FXN: variants seen among roughly 807,000 people sequenced by gnomAD.
FXN encodes the protein frataxin.
A neutral mutation model predicts 22.4 loss-of-function variants in FXN; 14 were observed. That is an observed-to-expected ratio of 0.62 (90% CI 0.41 to 0.98). The LOEUF (loss-of-function observed/expected upper bound fraction) is 0.98. Among genes scored for constraint, FXN ranks in the 50% least tolerant of loss-of-function variants. The probability of loss-of-function intolerance (pLI) is 0.00; values close to 1 mark genes in which losing one functional copy is unlikely to be tolerated. For missense variants in FXN, 267 were observed against 268.4 expected (o/e 0.99, Z 0.04); for synonymous variants, 120 against 114.1 (o/e 1.05, Z -0.33).
rs1360478354 is a variant in FXN at position 69,074,111 on chromosome 9, G to C, written c.*1349G>C. On this transcript the variant is annotated 3_prime_UTR_variant, in exon 5 of 5. Transcript: ENST00000484259. Reference sequence around the variant, plus strand: ...GAAGCGGAAGAATCGCTTGAACCCAGAGGTGGAGGTTGCAGTGAGCCGAGA... The same window carrying C: ...GAAGCGGAAGAATCGCTTGAACCCACAGGTGGAGGTTGCAGTGAGCCGAGA... The C allele has an allele frequency of 2.4e-6, 1 of 417,016 alleles. No individual in the cohort carries two copies. Among genetic ancestry groups the C allele is most frequent in the Non-Finnish European group, 3.2e-6 (1 of 310,992 alleles). The allele number at this position is 417,016 out of a possible 1,614,324, so 25.8% of individuals were successfully genotyped here. A position where few individuals can be genotyped will look rare whatever the true frequency, so the allele number is the denominator to read the frequency against.
chr9:69,064,803 G>T, intron 3 of FXN, 135 bp from the exon 4 acceptor site: 1 of 684,884 alleles, frequency 1.5e-6, no homozygotes, highest in South Asian at 1.6e-5. Flanking sequence ...AATACTAAAA[G>T]ACATTTCTTT....
chr9:69,077,535 C>T lies in FXN; in HGVS notation c.*4773C>T. 6 of 985,442 alleles carry T rather than the reference C, an allele frequency of 6.1e-6. No individual in the cohort carries two copies. The highest frequency in any genetic ancestry group is 7.2e-6 in the Non-Finnish European group (6 of 829,942). 61.0% of individuals were successfully genotyped at this position (985,442 alleles called of 1,614,324 possible). ...CTGTGGAAAGTCAGACCTCTGAGGC[C>T]CCATCCAGGTAGAAGTACTAGTGCA... is the stretch of plus-strand genomic sequence containing the variant. On this transcript the variant is annotated 3_prime_UTR_variant, in exon 5 of 5. Transcript: ENST00000484259.
At chr9:69,046,123 G>A (rs1312511498) in intron 1 of FXN, among the ~76,000 whole-genome samples, 1 of 152,176 alleles carries the variant, frequency 6.6e-6, no homozygotes, top group African/African-American at 2.4e-5. Context: ...AGCTTGCCCT[G>A]AAGGGAATGT....
chr9:69,046,680 G>A (rs1046238475), intron 2 of FXN, among the ~76,000 whole-genome samples, 198 bp downstream of exon 2: 1 of 152,162 alleles, frequency 6.6e-6, no homozygotes, highest in Non-Finnish European at 1.5e-5. Flanking sequence ...ATCCCCTACT[G>A]TTGGACATTC....
chr9:69,071,175 C>T (rs773224517), intron 4 of FXN: 19 of 518,826 alleles, frequency 3.7e-5, no homozygotes, highest in Middle Eastern at 3.2e-4. Context: ...CCTGGCAACC[C>T]GATAGCAGTA....
rs1480088883 is a variant in FXN at position 69,075,303 on chromosome 9, T to G, written c.*2541T>G. ...CAAAATCCCGTCTCTACTAAAAATATTAAAAAATTGGCTGGGCGTGGTGGT... is the reference window on the plus strand; with the variant it reads ...CAAAATCCCGTCTCTACTAAAAATAGTAAAAAATTGGCTGGGCGTGGTGGT... On this transcript the variant is annotated 3_prime_UTR_variant, in exon 5 of 5. Transcript: ENST00000484259. 1.1e-5 allele frequency: 7 copies of G among 653,918 alleles called. No homozygotes were observed. Among genetic ancestry groups the G allele is most frequent in the Non-Finnish European group, 1.1e-5 (6 of 527,762 alleles). 40.5% of individuals were successfully genotyped at this position (653,918 alleles called of 1,614,324 possible).
At chr9:69,045,611 C>T (rs55962582) in intron 1 of FXN, among the ~76,000 whole-genome samples, 4,845 of 151,420 alleles carry the variant, frequency 0.032, 111 homozygotes, top group Middle Eastern at 0.054. Flanking sequence ...AAAACAAAAA[C>T]CAAAAAAAAA....
rs1365339841 is a variant in FXN at position 69,078,471 on chromosome 9, TAC to T, written c.*5713_*5714del. On this transcript the variant is annotated 3_prime_UTR_variant, in exon 5 of 5. Transcript: ENST00000484259. ...CTTTTCTCTCAGCCCATCATCTAGC[TAC>T]ACAGTCTCCAGGGTAAGCTTTCAGA... The T allele has an allele frequency of 2.7e-5, 27 of 984,978 alleles. No homozygotes were observed. The highest frequency in any genetic ancestry group is 9.4e-5 in the South Asian group (2 of 21,246). The allele number at this position is 984,978 out of a possible 1,614,324, so 61.0% of individuals were successfully genotyped here.
rs1386076960 is a variant in FXN at position 69,075,810 on chromosome 9, A to G, written c.*3048A>G. On this transcript the variant is annotated 3_prime_UTR_variant, in exon 5 of 5. Coordinates refer to ENST00000484259, the MANE Select transcript of FXN (RefSeq NM_000144.5). ...CAGTGGTACAATCAAAGCTCATGGC[A>G]GCCTCGACCTCCCTGGGCTTGGGCA... The G allele has an allele frequency of 9.7e-6, 7 of 722,892 alleles. No individual in the cohort carries two copies. Among genetic ancestry groups the G allele is most frequent in the Non-Finnish European group, 1.2e-5 (7 of 590,782 alleles). 44.8% of individuals were successfully genotyped at this position (722,892 alleles called of 1,614,324 possible).
intron 3 of FXN, among the ~76,000 whole-genome samples, chr9:69,061,751 C>A (rs1832078722): frequency 6.7e-6 from 1 of 149,866 alleles, no homozygotes; most frequent in South Asian, 2.2e-4. Flanking sequence ...TGTTCAGTTC[C>A]CACCTATGAG....
Position 69,077,590 on chromosome 9 carries a change from C to A in FXN, c.*4828C>A. On this transcript the variant is annotated 3_prime_UTR_variant, in exon 5 of 5. Coordinates refer to ENST00000484259, the MANE Select transcript of FXN (RefSeq NM_000144.5). ...GGGCCTCTGCTGTCCACTTGTGTTTCTGTGATCTGTGGGAACATTGTTAAC... is the reference window on the plus strand; with the variant it reads ...GGGCCTCTGCTGTCCACTTGTGTTTATGTGATCTGTGGGAACATTGTTAAC... 1.0e-6 allele frequency: 1 copy of A among 985,466 alleles called. No homozygotes were observed. Among genetic ancestry groups the A allele is most frequent in the Non-Finnish European group, 1.2e-6 (1 of 829,954 alleles). The allele number at this position is 985,466 out of a possible 1,614,324, so 61.0% of individuals were successfully genotyped here. A position where few individuals can be genotyped will look rare whatever the true frequency, so the allele number is the denominator to read the frequency against.
At position 69,075,462 on chromosome 9, in the gene FXN, A is replaced by ATAAG; in HGVS notation, c.*2703_*2704insGTAA. The ATAAG allele has an allele frequency of 2.1e-6, 2 of 950,414 alleles. No individual in the cohort carries two copies. Among genetic ancestry groups the ATAAG allele is most frequent in the Non-Finnish European group, 1.2e-6 (1 of 800,552 alleles). The allele number at this position is 950,414 out of a possible 1,614,324, so 58.9% of individuals were successfully genotyped here. ...CCAACAGAGCCATACTCCGTCTCAAATAAATAAATAAATAAATAAAGGGAC... is the reference window on the plus strand; with the variant it reads ...CCAACAGAGCCATACTCCGTCTCAAATAAGTAAATAAATAAATAAATAAAGGGAC... On this transcript the variant is annotated 3_prime_UTR_variant, in exon 5 of 5. Coordinates refer to ENST00000484259, the MANE Select transcript of FXN (RefSeq NM_000144.5).
chr9:69,070,909 A>C (rs1420249190), intron 4 of FXN, among the ~76,000 whole-genome samples: 1 of 151,958 alleles, frequency 6.6e-6, no homozygotes, highest in Non-Finnish European at 1.5e-5. Flanking sequence ...GGCTTCAAGC[A>C]ATCCTCCCAC....
intron 3 of FXN, among the ~76,000 whole-genome samples, chr9:69,062,444 A>T (rs1564337094): frequency 1.3e-5 from 2 of 152,226 alleles, no homozygotes; most frequent in South Asian, 4.1e-4. Flanking sequence ...AATGAAATAT[A>T]GTCATACCAA....
chr9:69,053,510 T>TGG lies in FXN; in HGVS notation c.384+250_384+251insGG, dbSNP rs1554760720. Among the ~76,000 whole-genome samples the TGG allele has an allele frequency of 0.63, 85,397 of 135,366 alleles. 26,844 individuals carry two copies. The highest frequency in any genetic ancestry group is 0.75 in the East Asian group (3,360 of 4,510). The allele number at this position is 135,366 out of a possible 152,430, so 88.8% of individuals were successfully genotyped here. On this transcript the variant is annotated intron_variant, in intron 3 of 4. Transcript: ENST00000484259. The stretch of plus-strand genomic sequence containing the variant: ...ATGGATGGATGGATGGATGGATGGA[T>TGG]AGATAGATAGATAGATAGATAGATA...
chr9:69,037,515 A>T (rs1253811219), intron 1 of FXN, among the ~76,000 whole-genome samples: 1 of 152,140 alleles, frequency 6.6e-6, no homozygotes, highest in Non-Finnish European at 1.5e-5. Flanking sequence ...ATTTCCCAGC[A>T]TCTCTGGAAA....
chr9:69,050,713 A>G (rs1831833746), intron 2 of FXN, among the ~76,000 whole-genome samples: 1 of 152,214 alleles, frequency 6.6e-6, no homozygotes, highest in African/African-American at 2.4e-5. Flanking sequence ...CAGTTTTCCA[A>G]AGTGATTGTC....
chr9:69,076,832 G>A lies in FXN; in HGVS notation c.*4070G>A, dbSNP rs527521799. On this transcript the variant is annotated 3_prime_UTR_variant, in exon 5 of 5. Transcript: ENST00000484259. ...GCTACATGCCAGCAAGGGAGAAAGG[G>A]GAAGGAGGGGCAAAGTTTTGAAATT... 1.7e-5 allele frequency: 17 copies of A among 985,340 alleles called. No homozygotes were observed. Among genetic ancestry groups the A allele is most frequent in the Non-Finnish European group, 2.0e-5 (17 of 829,956 alleles). 61.0% of individuals were successfully genotyped at this position (985,340 alleles called of 1,614,324 possible). A position where few individuals can be genotyped will look rare whatever the true frequency, so the allele number is the denominator to read the frequency against.
chr9:69,061,896 T>A (rs1181326709), intron 3 of FXN, among the ~76,000 whole-genome samples: 1 of 152,200 alleles, frequency 6.6e-6, no homozygotes, highest in Non-Finnish European at 1.5e-5. Context: ...ATGGTGTATA[T>A]GTGCCACATT....
Sources: allele counts gnomAD v4.1 joint callset (sites outside exome capture counted in the v4.1 genomes callset), GRCh38; gene constraint gnomAD v4.1.1; transcripts MANE v1.5; gene names NCBI Gene and HGNC (gene_info 2026-07-23, HGNC 2026-07-21).